The following L3MBTL3 variants were observed in gnomAD, a reference collection of about 807,000 sequenced individuals.
L3MBTL3 encodes lethal(3)malignant brain tumor-like protein 3.
A neutral mutation model predicts 102.3 loss-of-function variants in L3MBTL3; 27 were observed. That is an observed-to-expected ratio of 0.26 (90% confidence interval 0.19 to 0.36). The LOEUF (loss-of-function observed/expected upper bound fraction) is 0.36, where lower values mean the gene tolerates loss of function less well. L3MBTL3 is among the 10% of genes least tolerant of loss of function. L3MBTL3 has a pLI of 1.00. For synonymous variants in L3MBTL3, 340 were observed against 320.9 expected (o/e 1.06, Z -0.64); for missense variants, 798 against 955.3 (o/e 0.84, Z 2.17).
intron 15 of L3MBTL3, among the ~76,000 whole-genome samples, chr6:130,085,787 C>T (rs1461693168): frequency 6.6e-6 from 1 of 151,966 alleles, no homozygotes; most frequent in African/African-American, 2.4e-5. Flanking sequence ...GAGACAGTCT[C>T]CCTCTGTTGC....
intron 2 of L3MBTL3, among the ~76,000 whole-genome samples, chr6:130,027,672 T>C (rs1009251084): frequency 2.0e-5 from 3 of 152,180 alleles, no homozygotes. Flanking sequence ...AGTGTAAATC[T>C]TAGCTTTATG....
At chr6:130,115,800 A>G (rs1785631629) in intron 19 of L3MBTL3, among the ~76,000 whole-genome samples, 1 of 151,752 alleles carries the variant, frequency 6.6e-6, no homozygotes. Flanking sequence ...ACTGAAATGT[A>G]TTGAATTGAA....
At chr6:130,058,810 C>T (rs1057435844) in intron 9 of L3MBTL3, among the ~76,000 whole-genome samples, 4 of 152,166 alleles carry the variant, frequency 2.6e-5, no homozygotes, top group African/African-American at 9.7e-5. Flanking sequence ...CTTTGACCCG[C>T]AGACTGGAGT....
chr6:130,097,912 A>G (rs576841766), intron 18 of L3MBTL3, among the ~76,000 whole-genome samples: 1 of 152,258 alleles, frequency 6.6e-6, no homozygotes, highest in East Asian at 1.9e-4. Flanking sequence ...TACCAAAAAT[A>G]CAAAATTAGC....
At chr6:130,040,223 G>A (rs1780335688) in intron 2 of L3MBTL3, among the ~76,000 whole-genome samples, 1 of 151,974 alleles carries the variant, frequency 6.6e-6, no homozygotes, top group African/African-American at 2.4e-5. Flanking sequence ...CAGCTACTGA[G>A]GAGGCTGAGG....
chr6:130,125,897 C>T (rs1209305474), intron 20 of L3MBTL3, among the ~76,000 whole-genome samples: 2 of 152,140 alleles, frequency 1.3e-5, no homozygotes, highest in South Asian at 2.1e-4. Flanking sequence ...ATTTAAAAGA[C>T]ACGCATGCAC....
chr6:130,071,247 C>T, intron 13 of L3MBTL3, 120 bp downstream of exon 13: 1 of 861,954 alleles, frequency 1.2e-6, no homozygotes, highest in East Asian at 2.7e-5. Context: ...CCACTTTTTC[C>T]TGTTACAGAT....
chr6:130,072,133 T>C (rs559721233), intron 13 of L3MBTL3, among the ~76,000 whole-genome samples: 29 of 151,344 alleles, frequency 1.9e-4, no homozygotes, highest in African/African-American at 6.5e-4. Context: ...AGATCAAAAA[T>C]ATGAAAAAAA....
At position 130,049,340 on chromosome 6, in the gene L3MBTL3, A is replaced by G. The variant is rs142080920; in HGVS notation, c.161A>G (p.Asn54Ser). ...EVITDENEME[N>S]VKKATATTTW... ...ATTACAGATGAGAATGAGATGGAAA[A>G]TGTTAAAAAAGCAACTGCTACCACC... is the stretch of plus-strand genomic sequence containing the variant. Residue 54 changes from asparagine (N) to serine (S), a missense_variant, in exon 4 of 23, where the codon AAT becomes AGT. Around this residue, in one of 4 missense-constraint regions of L3MBTL3, gnomAD observed 434 missense variants for 506.6 expected, o/e 0.86. Coordinates refer to ENST00000361794, the MANE Select transcript of L3MBTL3 (RefSeq NM_032438.4). 33 of 1,613,776 alleles carry G rather than the reference A, an allele frequency of 2.0e-5. No individual in the cohort carries two copies. Among genetic ancestry groups the G allele is most frequent in the Non-Finnish European group, 2.5e-5 (30 of 1,179,834 alleles).
At chr6:130,031,898 A>G (rs915665452) in intron 2 of L3MBTL3, among the ~76,000 whole-genome samples, 27 of 152,096 alleles carry the variant, frequency 1.8e-4, no homozygotes, top group African/African-American at 6.3e-4. Context: ...TACTATTAAA[A>G]TAAAAATAAC....
intron 2 of L3MBTL3, among the ~76,000 whole-genome samples, chr6:130,029,252 A>G (rs1402561380): frequency 2.0e-5 from 3 of 152,188 alleles, no homozygotes; most frequent in African/African-American, 7.2e-5. Flanking sequence ...GTGCTCCTAT[A>G]GAGAAACACT....
At chr6:130,065,927 A>G (rs1249494173) in intron 10 of L3MBTL3, among the ~76,000 whole-genome samples, 1 of 152,086 alleles carries the variant, frequency 6.6e-6, no homozygotes, top group Non-Finnish European at 1.5e-5. Flanking sequence ...ACTTCTGTGC[A>G]TATGCACCAG....
intron 13 of L3MBTL3, 33 bp from the exon 14 acceptor site, chr6:130,078,525 T>C (rs780634069): frequency 1.4e-6 from 2 of 1,454,120 alleles, no homozygotes; most frequent in Non-Finnish European, 1.9e-6. Context: ...TTTATCCTGA[T>C]AATTGCAGTT....
intron 2 of L3MBTL3, among the ~76,000 whole-genome samples, chr6:130,036,321 G>T (rs1176767173): frequency 6.6e-6 from 1 of 152,106 alleles, no homozygotes. Flanking sequence ...TTGTAATAAT[G>T]AAAGTACCCA....
At chr6:130,077,213 C>G (rs370845975) in intron 13 of L3MBTL3, among the ~76,000 whole-genome samples, 3 of 151,940 alleles carry the variant, frequency 2.0e-5, no homozygotes, top group East Asian at 1.9e-4. Context: ...AATCCATAAC[C>G]AAAATGATTT....
chr6:130,037,009 G>T (rs1206622771), intron 2 of L3MBTL3, among the ~76,000 whole-genome samples: 1 of 152,074 alleles, frequency 6.6e-6, no homozygotes, highest in African/African-American at 2.4e-5. Context: ...CTGCACCTCA[G>T]TTTCTTCAGT....
intron 19 of L3MBTL3, among the ~76,000 whole-genome samples, chr6:130,113,897 A>G (rs1444817536): frequency 1.3e-5 from 2 of 152,258 alleles, no homozygotes; most frequent in African/African-American, 2.4e-5. Context: ...CACATCAAAT[A>G]GAATAAAATC....
chr6:130,068,308 T>C (rs1191828095), intron 11 of L3MBTL3, 22 bp from the exon 12 acceptor site: 1 of 1,277,026 alleles, frequency 7.8e-7, no homozygotes, highest in Non-Finnish European at 1.1e-6. Context: ...TGAATCAATC[T>C]GTTCATATGT....
rs550805708 is a variant in L3MBTL3, at chr6:130,042,894, G to T, written c.102+93G>T. The T allele has an allele frequency of 8.3e-6, 7 of 840,696 alleles. No homozygotes were observed. In the African/African-American group the frequency reaches 1.2e-4, roughly 14 times the overall value. 52.1% of individuals were successfully genotyped at this position (840,696 alleles called of 1,614,324 possible). ...TACATATGTGAAATAAAAATTAAAA[G>T]CATTAATCATAGTGGTGTAGGTTTT... On this transcript the variant is annotated intron_variant, in intron 3 of 22. Transcript: ENST00000361794.
Sources: gnomAD v4.1 joint callset for allele counts (sites outside exome capture counted in the v4.1 genomes callset) on GRCh38, gnomAD v4.1.1 for gene constraint, gnomAD v4.1.1 regional missense constraint, MANE v1.5 for transcripts, NCBI Gene and HGNC (gene_info 2026-07-23, HGNC 2026-07-21) for gene names.